VAT1L: variants seen among roughly 807,000 people sequenced by gnomAD.
VAT1L encodes putative NADPH-dependent quinone oxidoreductase VAT1L.
Under a neutral mutation model 44.1 loss-of-function variants are expected in VAT1L, and 34 were observed. The observed-to-expected ratio is 0.77, with a 90% CI of 0.59 to 1.03. The LOEUF is 1.03. Ranked by LOEUF, VAT1L falls within the 50% of genes least tolerant of loss-of-function variation. VAT1L has a pLI of 0.00. For synonymous variants in VAT1L, 253 were observed against 202.2 expected, an observed-to-expected ratio of 1.25 and a Z score of -2.13; for missense variants, 615 against 538.8, an observed-to-expected ratio of 1.14 and a Z score of -1.40.
In VAT1L at chr16:77,876,523, A is replaced by G. The variant is rs894990093; in HGVS notation, c.826+50A>G. The G allele has an allele frequency of 2.6e-6, 4 of 1,509,782 alleles. No homozygotes were observed. The African/African-American group carries it at 4.1e-5, about 16-fold the overall frequency. 93.5% of individuals were successfully genotyped at this position (1,509,782 alleles called of 1,614,324 possible). A position where few individuals can be genotyped will look rare whatever the true frequency, so the allele number is the denominator to read the frequency against. ...CGTGGTCAGCAATAGGTACCTCTACATATGTGCCTGCAAAGGCTCTGAAAA... is the reference window on the plus strand; with the variant it reads ...CGTGGTCAGCAATAGGTACCTCTACGTATGTGCCTGCAAAGGCTCTGAAAA... On this transcript the variant is annotated intron_variant, in intron 5 of 8. Transcript: ENST00000302536.
At chr16:77,870,198 G>C (rs2017016788) in intron 4 of VAT1L, among the ~76,000 whole-genome samples, 1 of 152,146 alleles carries the variant, frequency 6.6e-6, no homozygotes. Context: ...GCCTACCGTA[G>C]AGTAGGCATT....
chr16:77,923,818 G>T (rs2017637886), intron 7 of VAT1L, among the ~76,000 whole-genome samples: 1 of 152,110 alleles, frequency 6.6e-6, no homozygotes, highest in Non-Finnish European at 1.5e-5. Context: ...AACAAAAGCT[G>T]CTGTGAAAAC....
At chr16:77,865,393 G>A (rs971876953) in intron 4 of VAT1L, among the ~76,000 whole-genome samples, 3 of 151,992 alleles carry the variant, frequency 2.0e-5, no homozygotes, top group African/African-American at 7.3e-5. Context: ...TTTCATGTAC[G>A]CATGAATACA....
intron 7 of VAT1L, among the ~76,000 whole-genome samples, chr16:77,962,786 G>C (rs1373050984): frequency 3.0e-5 from 2 of 66,284 alleles, no homozygotes; most frequent in South Asian, 1.0e-3. Flanking sequence ...GAAAGAAAGA[G>C]AAAAGAAAAA....
At chr16:77,929,145 T>C (rs2017701207) in intron 7 of VAT1L, among the ~76,000 whole-genome samples, 1 of 152,116 alleles carries the variant, frequency 6.6e-6, no homozygotes, top group African/African-American at 2.4e-5. Flanking sequence ...GTGATACTGA[T>C]GTACTTTGAA....
intron 5 of VAT1L, among the ~76,000 whole-genome samples, chr16:77,878,601 G>A (rs2017114466): frequency 6.6e-6 from 1 of 151,928 alleles, no homozygotes; most frequent in East Asian, 1.9e-4. Flanking sequence ...TCATATGCTT[G>A]TCTCAGACCT....
chr16:77,841,293 G>T (rs1277388569), intron 3 of VAT1L, among the ~76,000 whole-genome samples: 1 of 152,174 alleles, frequency 6.6e-6, no homozygotes, highest in African/African-American at 2.4e-5. Context: ...ATTTGGTCCA[G>T]GCTGGTTTTG....
intron 4 of VAT1L, among the ~76,000 whole-genome samples, chr16:77,865,454 C>G (rs2016963342): frequency 6.6e-6 from 1 of 152,112 alleles, no homozygotes; most frequent in Non-Finnish European, 1.5e-5. Flanking sequence ...GAGACTGTGC[C>G]AGAGCCAGAG....
Position 77,884,688 on chromosome 16 carries a change from G to A in VAT1L, c.963G>A (p.Leu321=), listed in dbSNP as rs2017191261. The change falls in exon 7 of 9, where the codon CTG becomes CTA. Residue 321 remains leucine (L), a synonymous_variant. Coordinates refer to ENST00000302536, the MANE Select transcript of VAT1L (RefSeq NM_020927.3). This position sits in a 1 kb window ranked among gnomAD's most constrained non-coding sequence, Gnocchi z 4.5. ...KVIAGFSLLN[L]LFKQGRAGLI... is the part of the protein sequence containing the mutation. ...TCGCGGGGTTTTCCCTTTTAAATCT[G>A]CTCTTCAAACAAGGCCGGGCGGGCC... 6.2e-7 allele frequency: 1 copy of A among 1,612,776 alleles called. No homozygotes were observed. The highest frequency in any genetic ancestry group is 8.5e-7 in the Non-Finnish European group (1 of 1,179,466).
chr16:77,830,709 A>T (rs2016569747), intron 3 of VAT1L, among the ~76,000 whole-genome samples: 1 of 152,050 alleles, frequency 6.6e-6, no homozygotes, highest in Admixed American at 6.5e-5. Flanking sequence ...TGTTGTTGAG[A>T]TGGAGTCTCA....
At chr16:77,898,230 A>G (rs1203877538) in intron 7 of VAT1L, among the ~76,000 whole-genome samples, 1 of 152,106 alleles carries the variant, frequency 6.6e-6, no homozygotes, top group Non-Finnish European at 1.5e-5. Flanking sequence ...GTATAATCTC[A>G]TCTTAACTAA....
intron 4 of VAT1L, among the ~76,000 whole-genome samples, chr16:77,871,164 C>T (rs1019701291): frequency 6.6e-6 from 1 of 152,182 alleles, no homozygotes; most frequent in African/African-American, 2.4e-5. Flanking sequence ...TCCTCACCCT[C>T]AGGTGCTGAG....
intron 3 of VAT1L, among the ~76,000 whole-genome samples, chr16:77,827,895 T>G (rs970704624): frequency 1.3e-5 from 2 of 152,204 alleles, no homozygotes; most frequent in Non-Finnish European, 2.9e-5. Context: ...GCACTCTTAA[T>G]GTAATCTAAG....
At chr16:77,907,389 T>C (rs1233264559) in intron 7 of VAT1L, among the ~76,000 whole-genome samples, 1 of 152,132 alleles carries the variant, frequency 6.6e-6, no homozygotes, top group Non-Finnish European at 1.5e-5. Context: ...TGGTACAAGA[T>C]AACTGGGGAA....
At chr16:77,901,516 G>A (rs1009875592) in intron 7 of VAT1L, among the ~76,000 whole-genome samples, 11 of 152,004 alleles carry the variant, frequency 7.2e-5, no homozygotes, top group African/African-American at 1.5e-4. Context: ...CTTTTCCTCC[G>A]TTAGTCACAG....
At position 77,793,969 on chromosome 16, in the gene VAT1L, G is replaced by T. The variant is rs577651267; in HGVS notation, c.233+5054G>T. On this transcript the variant is annotated intron_variant, in intron 1 of 8. Transcript: ENST00000302536. ...ATGACAACTCAACAAAATCAGTATTGCCATCTCCAGTTAAAGATGAGGAAA... is the reference window on the plus strand; with the variant it reads ...ATGACAACTCAACAAAATCAGTATTTCCATCTCCAGTTAAAGATGAGGAAA... 1.2e-3 allele frequency among the ~76,000 whole-genome samples: 183 copies of T among 152,296 alleles called. No individual in the cohort carries two copies. In the Middle Eastern group the frequency reaches 0.02, roughly 17 times the overall value.
At chr16:77,830,043 C>T (rs959460852) in intron 3 of VAT1L, among the ~76,000 whole-genome samples, 3 of 152,162 alleles carry the variant, frequency 2.0e-5, no homozygotes, top group African/African-American at 7.2e-5. Flanking sequence ...CACCTCCAGC[C>T]AGCCCCTCGA....
intron 2 of VAT1L, among the ~76,000 whole-genome samples, chr16:77,821,390 T>C (rs182055674): frequency 6.6e-6 from 1 of 151,626 alleles, no homozygotes; most frequent in East Asian, 2.0e-4. Flanking sequence ...AACCTCTGTC[T>C]CACAGGTTCA....
chr16:77,937,344 G>A (rs1017301392), intron 7 of VAT1L, among the ~76,000 whole-genome samples: 1 of 152,214 alleles, frequency 6.6e-6, no homozygotes, highest in Non-Finnish European at 1.5e-5. Flanking sequence ...AACTCACAGT[G>A]AGCCGCCGTT....
Sources: gnomAD v4.1 joint callset for allele counts (sites outside exome capture counted in the v4.1 genomes callset) on GRCh38, gnomAD v4.1.1 for gene constraint, Gnocchi (gnomAD v3.1) non-coding constraint, MANE v1.5 for transcripts, NCBI Gene and HGNC (gene_info 2026-07-23, HGNC 2026-07-21) for gene names.